The following AFG2A variants were observed in gnomAD, a reference collection of about 807,000 sequenced individuals.
The protein encoded by AFG2A is AAA ATPase AFG2A.
At chr4:123,269,885 C>T in the AFG2A span, among the ~76,000 whole-genome samples, 2 of 152,148 alleles carry the variant, frequency 1.3e-5, no homozygotes, top group African/African-American at 2.4e-5. Flanking sequence ...GGCACCATCT[C>T]GGCTCACGGC....
chr4:123,191,609 G>C, the AFG2A span, among the ~76,000 whole-genome samples: 1 of 151,954 alleles, frequency 6.6e-6, no homozygotes, highest in Non-Finnish European at 1.5e-5. Context: ...TTTCTCTTCT[G>C]TATTCTCATT....
chr4:123,144,835 G>A, the AFG2A span, among the ~76,000 whole-genome samples: 1 of 152,054 alleles, frequency 6.6e-6, no homozygotes, highest in Admixed American at 6.6e-5. Flanking sequence ...TTTATGAATA[G>A]TTCTGAATGG....
chr4:123,203,297 C>A, the AFG2A span, among the ~76,000 whole-genome samples: 1 of 151,934 alleles, frequency 6.6e-6, no homozygotes, highest in South Asian at 2.1e-4. Flanking sequence ...ATTACAGGTG[C>A]TCTCCACCAC....
chr4:123,091,872 A>G, the AFG2A span, among the ~76,000 whole-genome samples: 5 of 152,198 alleles, frequency 3.3e-5, no homozygotes, highest in Non-Finnish European at 7.4e-5. Context: ...TGTTGCTGGC[A>G]TTATTGCCTT....
the AFG2A span, among the ~76,000 whole-genome samples, chr4:122,996,596 G>GATAC: frequency 6.6e-6 from 1 of 151,786 alleles, no homozygotes; most frequent in Non-Finnish European, 1.5e-5. Context: ...TAGATAGATA[G>GATAC]ATAGATAGAT....
chr4:123,225,865 T>G, the AFG2A span, among the ~76,000 whole-genome samples: 3 of 152,234 alleles, frequency 2.0e-5, no homozygotes, highest in African/African-American at 4.8e-5. Flanking sequence ...CTTCCATTTG[T>G]TCGTATCCTC....
the AFG2A span, among the ~76,000 whole-genome samples, chr4:123,158,804 C>T: frequency 7.2e-5 from 11 of 152,170 alleles, no homozygotes; most frequent in Non-Finnish European, 5.9e-5. Flanking sequence ...AAATACCAAA[C>T]GGTCCCATCA....
the AFG2A span, among the ~76,000 whole-genome samples, chr4:122,966,765 A>G: frequency 2.0e-5 from 3 of 152,174 alleles, no homozygotes; most frequent in African/African-American, 7.2e-5. Flanking sequence ...TACTTGGCAT[A>G]GTTTATAATA....
the AFG2A span, among the ~76,000 whole-genome samples, chr4:123,014,991 G>A: frequency 6.6e-6 from 1 of 151,968 alleles, no homozygotes; most frequent in East Asian, 1.9e-4. Context: ...GCTTGCTTAT[G>A]GAAAATGGAA....
chr4:122,924,244 G>A, the AFG2A span, among the ~76,000 whole-genome samples: 3 of 152,056 alleles, frequency 2.0e-5, no homozygotes, highest in Non-Finnish European at 4.4e-5. Context: ...TCTTAAATCA[G>A]AACAAAAGCT....
the AFG2A span, among the ~76,000 whole-genome samples, chr4:123,145,757 G>T: frequency 6.6e-6 from 1 of 152,012 alleles, no homozygotes; most frequent in South Asian, 2.1e-4. Flanking sequence ...CCCCAATGAG[G>T]TATATCCTTT....
chr4:123,052,433 A>G, the AFG2A span, among the ~76,000 whole-genome samples: 1 of 152,116 alleles, frequency 6.6e-6, no homozygotes, highest in African/African-American at 2.4e-5. Flanking sequence ...TATCTCTATC[A>G]CTTTAGGGTT....
chr4:123,210,459 G>A, the AFG2A span, among the ~76,000 whole-genome samples: 1 of 152,084 alleles, frequency 6.6e-6, no homozygotes, highest in South Asian at 2.1e-4. Flanking sequence ...TCTGTGCCTG[G>A]TTTATTTCAC....
At chr4:123,222,137 G>A in the AFG2A span, among the ~76,000 whole-genome samples, 2 of 152,050 alleles carry the variant, frequency 1.3e-5, no homozygotes, top group African/African-American at 2.4e-5. Context: ...AGTTGTACCC[G>A]AAAATAAATT....
the AFG2A span, among the ~76,000 whole-genome samples, chr4:123,245,133 C>T: frequency 7.6e-4 from 115 of 152,080 alleles, no homozygotes; most frequent in African/African-American, 2.6e-3. Context: ...AGAATATGCT[C>T]ATAGCAATTT....
At chr4:123,058,341 C>T in the AFG2A span, among the ~76,000 whole-genome samples, 1 of 152,122 alleles carries the variant, frequency 6.6e-6, no homozygotes, top group Admixed American at 6.5e-5. Context: ...ACCGTCAGAT[C>T]GGGCTGGGCG....
the AFG2A span, among the ~76,000 whole-genome samples, chr4:123,080,067 A>G: frequency 1.3e-5 from 2 of 152,038 alleles, no homozygotes; most frequent in African/African-American, 2.4e-5. Flanking sequence ...CCTTCTTGAT[A>G]CACTATCCCC....
chr4:123,193,445 C>T, the AFG2A span, among the ~76,000 whole-genome samples: 2 of 152,164 alleles, frequency 1.3e-5, no homozygotes, highest in Admixed American at 6.5e-5. Flanking sequence ...TGCAGATAAA[C>T]TATTATTACA....
the AFG2A span, among the ~76,000 whole-genome samples, chr4:123,313,149 G>A: frequency 5.9e-5 from 9 of 152,180 alleles, no homozygotes; most frequent in East Asian, 1.2e-3. Context: ...AACACATTTC[G>A]GGATTCTTGA....
Sources: allele counts gnomAD v4.1 joint callset (sites outside exome capture counted in the v4.1 genomes callset), GRCh38; gene constraint gnomAD v4.1.1; transcripts MANE v1.5; gene names NCBI Gene and HGNC (gene_info 2026-07-23, HGNC 2026-07-21).